Variants in SOS1 observed in about 807,000 individuals in gnomAD.
SOS1 encodes the protein son of sevenless homolog 1.
SOS1 carries 25 observed loss-of-function variants against 157.6 expected under a neutral mutation model. That is an observed-to-expected ratio of 0.16 (90% CI 0.12 to 0.22). SOS1 has a LOEUF of 0.22. Among genes scored for constraint, SOS1 ranks in the 10% least tolerant of loss-of-function variants. The pLI is 1.00. For missense variants in SOS1, 1,237 were observed against 1,599.1 expected, an observed-to-expected ratio of 0.77 and a Z score of 3.86; for synonymous variants, 528 against 534.0, an observed-to-expected ratio of 0.99 and a Z score of 0.16.
At chr2:39,059,671 T>C (rs928963446) in intron 2 of SOS1, among the ~76,000 whole-genome samples, 1 of 152,198 alleles carries the variant, frequency 6.6e-6, no homozygotes, top group African/African-American at 2.4e-5. Flanking sequence ...TAAAAAGTTT[T>C]ATTATTTGCT....
chr2:39,006,172 A>G (rs1201905638), intron 17 of SOS1, among the ~76,000 whole-genome samples: 1 of 152,198 alleles, frequency 6.6e-6, no homozygotes, highest in Non-Finnish European at 1.5e-5. Context: ...TTATAAATAT[A>G]AAAACACAAG....
intron 17 of SOS1, among the ~76,000 whole-genome samples, chr2:39,003,698 G>A (rs558071411): frequency 6.6e-6 from 1 of 152,152 alleles, no homozygotes; most frequent in Admixed American, 6.5e-5. Flanking sequence ...GTTACATTTG[G>A]GGGCATCCCC....
chr2:39,006,919 A>C, intron 16 of SOS1, 112 bp downstream of exon 16: 1 of 772,088 alleles, frequency 1.3e-6, no homozygotes, highest in Non-Finnish European at 2.2e-6. Flanking sequence ...CTTTTAATCT[A>C]CTACTGAAAA....
chr2:39,001,727 C>G (rs940461159), intron 17 of SOS1, among the ~76,000 whole-genome samples: 1 of 152,088 alleles, frequency 6.6e-6, no homozygotes, highest in South Asian at 2.1e-4. Flanking sequence ...GTATGAAAGG[C>G]TGTCTAACTC....
chr2:39,090,653 G>A (rs1185751149), intron 1 of SOS1, among the ~76,000 whole-genome samples: 5 of 152,028 alleles, frequency 3.3e-5, no homozygotes, highest in East Asian at 1.9e-4. Flanking sequence ...CCCAGATCGC[G>A]CCATTGCACT....
chr2:39,045,269 AGAGAGT>A (rs1158050421), intron 6 of SOS1, among the ~76,000 whole-genome samples: 24 of 23,392 alleles, frequency 1.0e-3, no homozygotes, highest in Non-Finnish European at 1.6e-3. Context: ...AGAGAGAGAG[AGAGAGT>A]GTGTGTGTGT....
chr2:39,027,823 T>C (rs1670014973), intron 8 of SOS1, among the ~76,000 whole-genome samples: 1 of 151,826 alleles, frequency 6.6e-6, no homozygotes, highest in Non-Finnish European at 1.5e-5. Context: ...TAGGGAATCA[T>C]ATTATTATTT....
chr2:39,081,689 G>A (rs1396194665), intron 1 of SOS1, among the ~76,000 whole-genome samples: 1 of 151,888 alleles, frequency 6.6e-6, no homozygotes, highest in Non-Finnish European at 1.5e-5. Context: ...GCCAGGCTTG[G>A]CGGCGGGCGC....
intron 1 of SOS1, among the ~76,000 whole-genome samples, chr2:39,102,900 A>G (rs2148208789): frequency 6.6e-6 from 1 of 152,294 alleles, no homozygotes; most frequent in African/African-American, 2.4e-5. Flanking sequence ...GGCTACAGTT[A>G]GCTGTGATCA....
intron 1 of SOS1, among the ~76,000 whole-genome samples, chr2:39,073,776 C>T (rs564880221): frequency 6.6e-6 from 1 of 152,304 alleles, no homozygotes; most frequent in Admixed American, 6.5e-5. Context: ...AGAAAATACT[C>T]TGTTGAATTC....
chr2:39,065,074 T>G (rs1671549767), intron 2 of SOS1, among the ~76,000 whole-genome samples: 1 of 152,080 alleles, frequency 6.6e-6, no homozygotes, highest in African/African-American at 2.4e-5. Context: ...TACATTTTTC[T>G]TATGTGACCC....
intron 1 of SOS1, among the ~76,000 whole-genome samples, chr2:39,112,356 T>C (rs1673473176): frequency 6.6e-6 from 1 of 152,164 alleles, no homozygotes; most frequent in Non-Finnish European, 1.5e-5. Context: ...CTCTTGCTCT[T>C]TCTTTCCCAT....
intron 17 of SOS1, among the ~76,000 whole-genome samples, chr2:39,003,466 A>G (rs984838251): frequency 8.5e-5 from 13 of 152,218 alleles, no homozygotes; most frequent in African/African-American, 2.7e-4. Context: ...TTAATGACCA[A>G]TTATGTAAGG....
chr2:39,070,480 C>T (rs1374353466), intron 1 of SOS1, among the ~76,000 whole-genome samples: 2 of 152,108 alleles, frequency 1.3e-5, no homozygotes, highest in Admixed American at 6.6e-5. Context: ...ATGTTCACTC[C>T]CTTCTCTTCT....
rs112023397 is a variant in SOS1, at chr2:39,042,732, T to A, written c.865-7232A>T. On this transcript the variant is annotated intron_variant, in intron 6 of 22. Coordinates refer to ENST00000402219, the MANE Select transcript of SOS1 (RefSeq NM_005633.4). ...TTATGATTTTTTTTTTTTTTTTTTT[T>A]AAAAACAAAGGTCCTGTGTATCTTT... is the stretch of plus-strand genomic sequence containing the variant. Among the ~76,000 whole-genome samples, 377 of 148,936 alleles carry A rather than the reference T, an allele frequency of 2.5e-3. 1 individual carries two copies. Among genetic ancestry groups the A allele is most frequent in the Non-Finnish European group, 3.8e-3 (257 of 66,838 alleles).
upstream of SOS1, chr2:39,121,131 AAGAGAG>A (rs942415287): frequency 6.5e-6 from 1 of 153,434 alleles, no homozygotes; most frequent in Non-Finnish European, 1.5e-5. Context: ...TCGAGAGAGA[AAGAGAG>A]AGAGAGACAG....
intron 2 of SOS1, among the ~76,000 whole-genome samples, chr2:39,065,020 A>G (rs761664256): frequency 2.8e-4 from 43 of 151,862 alleles, no homozygotes; most frequent in Admixed American, 1.3e-3. Context: ...GGCCTTCCAA[A>G]GTGCTGGGAT....
chr2:39,087,525 A>C (rs1257754213), intron 1 of SOS1, among the ~76,000 whole-genome samples: 1 of 152,226 alleles, frequency 6.6e-6, no homozygotes, highest in East Asian at 1.9e-4. Flanking sequence ...AGTTGTAATC[A>C]GATCTATCTT....
chr2:39,068,821 T>C (rs936123887), intron 1 of SOS1, among the ~76,000 whole-genome samples: 4 of 152,074 alleles, frequency 2.6e-5, no homozygotes, highest in African/African-American at 9.7e-5. Context: ...AGCATGATAG[T>C]CTTTACTTGC....
Sources: gnomAD v4.1 joint callset for allele counts (sites outside exome capture counted in the v4.1 genomes callset) on GRCh38, gnomAD v4.1.1 for gene constraint, MANE v1.5 for transcripts, NCBI Gene and HGNC (gene_info 2026-07-23, HGNC 2026-07-21) for gene names.